The following BRAF variants were observed in gnomAD, a reference collection of about 807,000 sequenced individuals.
BRAF encodes the protein B-Raf proto-oncogene, serine/threonine kinase, also known as serine/threonine-protein kinase B-raf.
Under a neutral mutation model 104.6 loss-of-function variants are expected in BRAF, and 16 were observed. That is an observed-to-expected ratio of 0.15 (90% CI 0.10 to 0.23). BRAF has a LOEUF of 0.23. Among genes scored for constraint, BRAF ranks in the 10% least tolerant of loss-of-function variants. BRAF has a pLI of 1.00. For missense variants in BRAF, 541 were observed against 937.3 expected, an observed-to-expected ratio of 0.58 and a Z score of 5.52; for synonymous variants, 310 against 341.6, an observed-to-expected ratio of 0.91 and a Z score of 1.02.
intron 3 of BRAF, among the ~76,000 whole-genome samples, chr7:140,822,655 C>T (rs1401517084): frequency 6.6e-6 from 1 of 152,206 alleles, no homozygotes; most frequent in African/African-American, 2.4e-5. Flanking sequence ...TATAGATACA[C>T]CACAATCCAA....
chr7:140,749,346 C>T lies in BRAF; in HGVS notation c.2053G>A (p.Val685Ile), dbSNP rs778397955. 1.9e-6 allele frequency: 3 copies of T among 1,612,892 alleles called. No individual in the cohort carries two copies. The highest frequency in any genetic ancestry group is 2.5e-6 in the Non-Finnish European group (3 of 1,179,538). Residue 685 changes from valine (V) to isoleucine (I), a missense_variant, in exon 17 of 20, where the codon GTT becomes ATT. By Grantham distance (29) the Val-to-Ile change is conservative. Coordinates refer to ENST00000644969, the MANE Select transcript of BRAF (RefSeq NM_001374258.1). ...TGTCCAGTCATCAATTCATACAGAA[C>T]AATTCCAAATGCATATACATCTGAC... ...FQSDVYAFGIVLYELMTGQLP... is the reference protein window; with the variant it reads ...FQSDVYAFGIILYELMTGQLP...
At chr7:140,894,443 T>C (rs1422904591) in intron 1 of BRAF, among the ~76,000 whole-genome samples, 1 of 152,148 alleles carries the variant, frequency 6.6e-6, no homozygotes, top group Non-Finnish European at 1.5e-5. Flanking sequence ...AAATGCATTT[T>C]TTTCAATGAC....
Position 140,853,225 on chromosome 7 carries a change from GA to G in BRAF, c.139-3014del, listed in dbSNP as rs71522116. On this transcript the variant is annotated intron_variant, in intron 1 of 19. Coordinates refer to ENST00000644969, the MANE Select transcript of BRAF (RefSeq NM_001374258.1). ...GGACCCTGTATCTACAAAAAAAAAAGAAAAAAAAAAAATAGCCAGACGTGGT... is the reference window on the plus strand; with the variant it reads ...GGACCCTGTATCTACAAAAAAAAAAGAAAAAAAAAAATAGCCAGACGTGGT... 8.9e-3 allele frequency among the ~76,000 whole-genome samples: 1,264 copies of G among 141,256 alleles called. 8 individuals are homozygous for G. Among genetic ancestry groups the G allele is most frequent in the Middle Eastern group, 0.046 (13 of 280 alleles). The allele number at this position is 141,256 out of a possible 152,430, so 92.7% of individuals were successfully genotyped here.
intron 3 of BRAF, among the ~76,000 whole-genome samples, chr7:140,815,662 C>CT (rs1335102221): frequency 6.7e-6 from 1 of 148,788 alleles, no homozygotes; most frequent in Non-Finnish European, 1.5e-5. Flanking sequence ...TCTCGAACTC[C>CT]TTACCTCAAG....
chr7:140,768,194 TTTTA>T (rs1384872411), intron 14 of BRAF, among the ~76,000 whole-genome samples: 2 of 152,206 alleles, frequency 1.3e-5, no homozygotes, highest in Non-Finnish European at 2.9e-5. Flanking sequence ...TACTGGTGCT[TTTTA>T]TTTATGTTTA....
chr7:140,752,086 A>T (rs1438275950), intron 16 of BRAF, among the ~76,000 whole-genome samples: 1 of 152,230 alleles, frequency 6.6e-6, no homozygotes, highest in African/African-American at 2.4e-5. Flanking sequence ...TTAAACTAGT[A>T]ATTCATTTAA....
chr7:140,729,492 A>C (rs1460174262), intron 19 of BRAF, among the ~76,000 whole-genome samples: 1 of 151,630 alleles, frequency 6.6e-6, no homozygotes, highest in African/African-American at 2.4e-5. Context: ...TAAAAATACA[A>C]AAATTAGGGC....
intron 1 of BRAF, among the ~76,000 whole-genome samples, chr7:140,859,221 GT>G (rs1332879981): frequency 1.3e-5 from 2 of 151,176 alleles, no homozygotes; most frequent in Non-Finnish European, 2.9e-5. Context: ...TTCCACCCCT[GT>G]TTTGGTAGCT....
At chr7:140,922,676 G>A (rs1194017501) in intron 1 of BRAF, among the ~76,000 whole-genome samples, 1 of 152,124 alleles carries the variant, frequency 6.6e-6, no homozygotes, top group Non-Finnish European at 1.5e-5. Context: ...TTAAGACAAA[G>A]GCATATCCGA....
chr7:140,846,782 A>G (rs1163296104), intron 2 of BRAF, among the ~76,000 whole-genome samples: 1 of 152,164 alleles, frequency 6.6e-6, no homozygotes, highest in Non-Finnish European at 1.5e-5. Flanking sequence ...CAGTAGATCT[A>G]GCTCTTCACT....
intron 19 of BRAF, chr7:140,734,467 AC>A: frequency 6.3e-7 from 1 of 1,583,214 alleles, no homozygotes; most frequent in Non-Finnish European, 8.5e-7. Flanking sequence ...CTAGTCTTTA[AC>A]CACACAAGTG....
Position 140,924,807 on chromosome 7 carries a change from G to C in BRAF, c.-104C>G, listed in dbSNP as rs1176082930. ...GAGGCGGAGGCGGAGGCGGAGGAGC[G>C]GGGGGCGCGGGGGGCGCGGGGAGGA... On this transcript the variant is annotated 5_prime_UTR_variant, in exon 1 of 20. Coordinates refer to ENST00000644969, the MANE Select transcript of BRAF (RefSeq NM_001374258.1). The surrounding 1 kb of genome is among the most constrained non-coding windows in gnomAD (Gnocchi z 4.2). 1 of 403,268 alleles carries C rather than the reference G, an allele frequency of 2.5e-6. No individual in the cohort carries two copies. Among genetic ancestry groups the C allele is most frequent in the Non-Finnish European group, 4.3e-6 (1 of 230,480 alleles). The allele number at this position is 403,268 out of a possible 1,614,324, so 25.0% of individuals were successfully genotyped here.
chr7:140,787,709 CT>C (rs1801535106), intron 8 of BRAF, 125 bp from the exon 9 acceptor site: 1 of 800,798 alleles, frequency 1.2e-6, no homozygotes, highest in African/African-American at 1.8e-5. Context: ...CATCTTATAA[CT>C]ATTACACAAA....
intron 3 of BRAF, among the ~76,000 whole-genome samples, chr7:140,815,624 C>A (rs548340103): frequency 6.6e-6 from 1 of 150,544 alleles, no homozygotes; most frequent in South Asian, 2.1e-4. Flanking sequence ...TTAGTAAAGA[C>A]GGGGTTTTAG....
In BRAF at chr7:140,834,751, G is replaced by A. The variant is rs2129062141; in HGVS notation, c.362C>T (p.Thr121Ile). The A allele has an allele frequency of 6.2e-7, 1 of 1,614,162 alleles. No homozygotes were observed. Among genetic ancestry groups the A allele is most frequent in the Non-Finnish European group, 8.5e-7 (1 of 1,180,008 alleles). ...VSSSASMDTV[T>I]SSSSSSLSVL... ...TGAAAGGCTAGAAGAGGAAGAAGAT[G>A]TAACGGTATCCATTGATGCAGAGCT... The change falls in exon 3 of 20, where the codon ACA becomes ATA. Residue 121 changes from threonine to isoleucine, a missense_variant. Transcript: ENST00000644969.
At chr7:140,718,656 T>C (rs1340233185), downstream of BRAF, among the ~76,000 whole-genome samples, 3 of 152,220 alleles carry the variant, frequency 2.0e-5, no homozygotes, top group Admixed American at 6.5e-5. Flanking sequence ...ATTGCTGGGA[T>C]TACAGGCGTG....
At chr7:140,811,520 G>A (rs2129049708) in intron 3 of BRAF, among the ~76,000 whole-genome samples, 1 of 152,254 alleles carries the variant, frequency 6.6e-6, no homozygotes, top group South Asian at 2.1e-4. Context: ...GTATCAAAGA[G>A]CTCCAAAGGG....
chr7:140,723,901 A>G lies in BRAF; in HGVS notation c.*2593T>C. The G allele has an allele frequency of 9.6e-7, 1 of 1,045,690 alleles. No homozygotes were observed. The allele number at this position is 1,045,690 out of a possible 1,614,324, so 64.8% of individuals were successfully genotyped here. A position where few individuals can be genotyped will look rare whatever the true frequency, so the allele number is the denominator to read the frequency against. ...GTCTAACTGTTGTCTAAGCATCAAA[A>G]AATAAAGCAGATAAAACACAAATAA... On this transcript the variant is annotated 3_prime_UTR_variant, in exon 20 of 20. Transcript: ENST00000644969.
rs1046476228 is a variant in BRAF at position 140,786,111 on chromosome 7, G to A, written c.1178-303C>T. On this transcript the variant is annotated intron_variant, in intron 9 of 19. Coordinates refer to ENST00000644969, the MANE Select transcript of BRAF (RefSeq NM_001374258.1). ...GATGTATTAGGCAAAATTATCAAAA[G>A]CCACAGCTATTAAGACATACGAAAG... 7.9e-5 allele frequency among the ~76,000 whole-genome samples: 12 copies of A among 152,052 alleles called. 1 individual carries two copies. Among genetic ancestry groups the A allele is most frequent in the African/African-American group, 2.9e-4 (12 of 41,372 alleles).
Sources: gnomAD v4.1 joint callset for allele counts (sites outside exome capture counted in the v4.1 genomes callset) on GRCh38, gnomAD v4.1.1 for gene constraint, Gnocchi (gnomAD v3.1) non-coding constraint, MANE v1.5 for transcripts, NCBI Gene and HGNC (gene_info 2026-07-23, HGNC 2026-07-21) for gene names.